PRUNE1: variants seen among roughly 807,000 people sequenced by gnomAD.
PRUNE1 encodes the protein prune exopolyphosphatase 1, also known as exopolyphosphatase PRUNE1.
PRUNE1 carries 25 observed loss-of-function variants against 42.5 expected under a neutral mutation model. The ratio of observed to expected loss-of-function variants is 0.59; its 90% CI spans 0.43 to 0.82. The LOEUF (loss-of-function observed/expected upper bound fraction) is 0.82, where lower values mean the gene tolerates loss of function less well. PRUNE1 is among the 40% of genes least tolerant of loss of function. PRUNE1 has a pLI of 0.00. For synonymous variants in PRUNE1, 203 were observed against 217.1 expected (o/e 0.93, Z 0.57); for missense variants, 443 against 539.3 (o/e 0.82, Z 1.77).
At chr1:151,013,357 T>C (rs750292436) in intron 1 of PRUNE1, among the ~76,000 whole-genome samples, 7 of 152,144 alleles carry the variant, frequency 4.6e-5, no homozygotes, top group Non-Finnish European at 8.8e-5. Flanking sequence ...CCCAAAGTAT[T>C]CCTTTTGTAT....
intron 1 of PRUNE1, among the ~76,000 whole-genome samples, chr1:151,017,578 T>C (rs1674182395): frequency 6.6e-6 from 1 of 151,714 alleles, no homozygotes; most frequent in South Asian, 2.1e-4. Context: ...TACAAAAAAA[T>C]ACAAAAAATT....
At chr1:151,026,514 T>C (rs1674847618) in intron 5 of PRUNE1, among the ~76,000 whole-genome samples, 1 of 152,002 alleles carries the variant, frequency 6.6e-6, no homozygotes, top group South Asian at 2.1e-4. Flanking sequence ...ATACAGGACA[T>C]ATATATAAAA....
chr1:151,033,793 G>A lies in PRUNE1; in HGVS notation c.934-13G>A. On this transcript the variant is annotated splice_polypyrimidine_tract_variant and intron_variant, in intron 7 of 7. Transcript: ENST00000271620. The stretch of plus-strand genomic sequence containing the variant: ...AGTTGTGTATCATTTCCCTGTTATT[G>A]TCTCCTCTTTAGATCTGTGAAGTCC... The A allele has an allele frequency of 6.2e-7, 1 of 1,604,432 alleles. No individual in the cohort carries two copies.
chr1:151,011,255 C>T (rs1318179938), intron 1 of PRUNE1, among the ~76,000 whole-genome samples: 1 of 152,086 alleles, frequency 6.6e-6, no homozygotes, highest in Non-Finnish European at 1.5e-5. Context: ...CCGTTGCTAC[C>T]ATATTTTTAG....
At chr1:151,030,482 G>T (rs116447653) in intron 7 of PRUNE1, among the ~76,000 whole-genome samples, 4,459 of 152,054 alleles carry the variant, frequency 0.029, 201 homozygotes, top group African/African-American at 0.1. Flanking sequence ...GAAAAGAACT[G>T]CAGTTTTGTC....
intron 7 of PRUNE1, 98 bp downstream of exon 7, chr1:151,029,042 T>C: frequency 3.2e-6 from 4 of 1,266,894 alleles, no homozygotes; most frequent in Non-Finnish European, 4.4e-6. Flanking sequence ...TCTCTTAGGT[T>C]CTTATATTAA....
intron 7 of PRUNE1, among the ~76,000 whole-genome samples, chr1:151,033,062 C>T (rs1571822061): frequency 6.6e-6 from 1 of 150,486 alleles, no homozygotes; most frequent in African/African-American, 2.4e-5. Flanking sequence ...GCGTGAGCCA[C>T]TGTGCCCGGC....
At chr1:151,029,066 G>C (rs971584818) in intron 7 of PRUNE1, 122 bp downstream of exon 7, 2 of 1,035,338 alleles carry the variant, frequency 1.9e-6, no homozygotes, top group East Asian at 2.7e-5. Flanking sequence ...ACTTACATGA[G>C]GTCCCTTGAC....
At chr1:151,009,922 A>ACTTGGATTTTACCCCC (rs1673649232) in intron 1 of PRUNE1, among the ~76,000 whole-genome samples, 1 of 152,074 alleles carries the variant, frequency 6.6e-6, no homozygotes, top group South Asian at 2.1e-4. Context: ...TAAGTGCTAA[A>ACTTGGATTTTACCCCC]CAGTTGGATT....
chr1:151,026,687 A>G (rs746928959), intron 5 of PRUNE1, among the ~76,000 whole-genome samples: 6 of 152,226 alleles, frequency 3.9e-5, no homozygotes, highest in East Asian at 1.9e-4. Flanking sequence ...AAAGAAAGAA[A>G]GAACTCACAT....
intron 3 of PRUNE1, among the ~76,000 whole-genome samples, chr1:151,020,509 A>G (rs1674352719): frequency 6.6e-6 from 1 of 151,450 alleles, no homozygotes; most frequent in African/African-American, 2.4e-5. Context: ...ACACCTGTAA[A>G]CCCAGCACTT....
chr1:151,030,372 T>C (rs1239649302), intron 7 of PRUNE1, among the ~76,000 whole-genome samples: 1 of 152,108 alleles, frequency 6.6e-6, no homozygotes, highest in South Asian at 2.1e-4. Flanking sequence ...TCCTTTGCTC[T>C]CATAGAAGGT....
At chr1:151,011,598 C>G (rs1037739387) in intron 1 of PRUNE1, among the ~76,000 whole-genome samples, 1 of 151,988 alleles carries the variant, frequency 6.6e-6, no homozygotes, top group Non-Finnish European at 1.5e-5. Flanking sequence ...TTATTTTTCT[C>G]CCCCATTAAC....
At chr1:151,018,701 C>T in intron 3 of PRUNE1, 32 bp downstream of exon 3, 1 of 1,580,286 alleles carries the variant, frequency 6.3e-7, no homozygotes, top group Non-Finnish European at 8.7e-7. Context: ...TGCTACCTAT[C>T]ATGTACCATG....
chr1:151,017,826 A>G lies in PRUNE1; in HGVS notation c.54A>G (p.Leu18=). Reference sequence around the variant, plus strand: ...TTTCTCTCCAGGAGTCCCGACCTCTACATGTTGTGCTGGGAAATGAAGCCT... The same window carrying G: ...TTTCTCTCCAGGAGTCCCGACCTCTGCATGTTGTGCTGGGAAATGAAGCCT... ...CRAALQESRP[L]HVVLGNEACD... The change falls in exon 2 of 8, where the codon CTA becomes CTG. Residue 18 remains leucine, a synonymous_variant. Transcript: ENST00000271620. The G allele has an allele frequency of 6.3e-7, 1 of 1,596,606 alleles. No individual in the cohort carries two copies.
At chr1:151,018,350 T>G in intron 2 of PRUNE1, 117 bp from the exon 3 acceptor site, 1 of 904,482 alleles carries the variant, frequency 1.1e-6, no homozygotes, top group Non-Finnish European at 1.8e-6. Context: ...TGGGTACTTA[T>G]GGCTTTGAGA....
intron 5 of PRUNE1, 67 bp downstream of exon 5, chr1:151,025,740 ATAT>A: frequency 2.1e-6 from 3 of 1,418,748 alleles, no homozygotes; most frequent in African/African-American, 2.0e-5. Context: ...CTTGTTCATT[ATAT>A]TATTTTTTTT....
In PRUNE1 at chr1:151,025,660, G is replaced by A; in HGVS notation, c.666G>A (p.Lys222=). 1 of 1,613,214 alleles carries A rather than the reference G, an allele frequency of 6.2e-7. No individual in the cohort carries two copies. The highest frequency in any genetic ancestry group is 8.5e-7 in the Non-Finnish European group (1 of 1,179,598). Residue 222 remains lysine (K), a synonymous_variant, in exon 5 of 8, where the codon AAG becomes AAA. Transcript: ENST00000271620. ...TATTTGATTCCCTACAAAAGGCAAA[G>A]TTTGATGTATCAGGTATGAAATGTT... ...NDIFDSLQKA[K]FDVSGLTTEQ...
Position 151,024,653 on chromosome 1 carries a change from C to A in PRUNE1, c.378C>A (p.Asp126Glu). The change falls in exon 4 of 8, where the codon GAC (aspartate) becomes GAA (glutamate). Residue 126 changes from aspartate to glutamate, a missense_variant. Asp to Glu is a conservative substitution (Grantham distance 45). Transcript: ENST00000271620. ...AGGAGGCAGTAGCAGAGGTGCTAGA[C>A]CATCGACCCATCGAGCCGAAACACT... ...ALEEAVAEVL[D>E]HRPIEPKHCP... is the part of the protein sequence containing the mutation. 1 of 1,613,216 alleles carries A rather than the reference C, an allele frequency of 6.2e-7. No homozygotes were observed. Among genetic ancestry groups the A allele is most frequent in the Non-Finnish European group, 8.5e-7 (1 of 1,179,206 alleles).
Sources: gnomAD v4.1 joint callset for allele counts (sites outside exome capture counted in the v4.1 genomes callset) on GRCh38, gnomAD v4.1.1 for gene constraint, MANE v1.5 for transcripts, NCBI Gene and HGNC (gene_info 2026-07-23, HGNC 2026-07-21) for gene names.